The following SCTR variants were observed in gnomAD, a reference collection of about 807,000 sequenced individuals.
SCTR encodes secretin receptor, also known as pancreatic secretin receptor.
SCTR carries 56 observed loss-of-function variants against 60.8 expected under a neutral mutation model. That is an observed-to-expected ratio of 0.92 (90% CI 0.74 to 1.15). SCTR has a LOEUF of 1.15. Ranked by LOEUF, SCTR falls within the 50% of genes most tolerant of loss-of-function variation. The pLI is 0.00. For missense variants in SCTR, 562 were observed against 550.4 expected, an observed-to-expected ratio of 1.02 and a Z score of -0.21; for synonymous variants, 202 against 217.0, an observed-to-expected ratio of 0.93 and a Z score of 0.61.
intron 1 of SCTR, among the ~76,000 whole-genome samples, chr2:119,523,427 ATTATTATTATT>A (rs1231495667): frequency 1.4e-4 from 20 of 146,818 alleles, no homozygotes; most frequent in African/African-American, 5.0e-4. Flanking sequence ...TATTATTATT[ATTATTATTATT>A]ATTTTCCTCC....
chr2:119,524,183 G>A lies in SCTR; in HGVS notation c.44C>T (p.Pro15Leu). 1 of 1,530,654 alleles carries A rather than the reference G, an allele frequency of 6.5e-7. No homozygotes were observed. The highest frequency in any genetic ancestry group is 8.8e-7 in the Non-Finnish European group (1 of 1,137,782). 94.8% of individuals were successfully genotyped at this position (1,530,654 alleles called of 1,614,324 possible). A position where few individuals can be genotyped will look rare whatever the true frequency, so the allele number is the denominator to read the frequency against. The stretch of plus-strand genomic sequence containing the variant: ...GTGCGCGGCGCAGGCGAGCAGCACC[G>A]GCAGTAGTAGCTGCTGCAGCGGCGG... ...LSPPLQQLLL[P>L]VLLACAAHST... Residue 15 changes from proline (P) to leucine (L), a missense_variant, in exon 1 of 13, where the codon CCG becomes CTG. Transcript: ENST00000019103.
At chr2:119,466,318 A>G (rs1314543350) in intron 4 of SCTR, among the ~76,000 whole-genome samples, 1 of 152,184 alleles carries the variant, frequency 6.6e-6, no homozygotes, top group East Asian at 1.9e-4. Flanking sequence ...TGTCTTCTGG[A>G]TCCACTTAAA....
intron 4 of SCTR, among the ~76,000 whole-genome samples, chr2:119,467,475 A>G (rs1275649584): frequency 1.3e-5 from 2 of 152,228 alleles, no homozygotes; most frequent in Non-Finnish European, 2.9e-5. Flanking sequence ...TACCAACCAA[A>G]CTAACAAATA....
chr2:119,457,614 G>C (rs1683423451), intron 7 of SCTR, among the ~76,000 whole-genome samples: 1 of 152,314 alleles, frequency 6.6e-6, no homozygotes, highest in Non-Finnish European at 1.5e-5. Flanking sequence ...TTAGGAGGCT[G>C]AGCCAGGAGG....
chr2:119,504,816 A>G (rs1678678725), intron 1 of SCTR, among the ~76,000 whole-genome samples: 2 of 152,208 alleles, frequency 1.3e-5, no homozygotes, highest in Admixed American at 1.3e-4. Context: ...TTTACAAACT[A>G]CATATTCAAG....
At chr2:119,448,896 A>T in intron 9 of SCTR, 116 bp from the exon 10 acceptor site, 1 of 642,900 alleles carries the variant, frequency 1.6e-6, no homozygotes. Context: ...CACAGCCAGG[A>T]TGGCCCACCA....
chr2:119,469,389 T>C (rs915703136), intron 4 of SCTR, among the ~76,000 whole-genome samples: 3 of 152,122 alleles, frequency 2.0e-5, no homozygotes, highest in Non-Finnish European at 4.4e-5. Context: ...CCGCTTCTCA[T>C]GTAGACCCGT....
intron 9 of SCTR, among the ~76,000 whole-genome samples, chr2:119,450,369 T>C (rs1326164040): frequency 1.3e-5 from 2 of 152,096 alleles, no homozygotes; most frequent in Admixed American, 1.3e-4. Context: ...TCCAGGGTTG[T>C]CCTGGGCTGG....
chr2:119,463,062 TACACAC>T (rs35496213), intron 6 of SCTR, among the ~76,000 whole-genome samples: 54 of 148,398 alleles, frequency 3.6e-4, no homozygotes, highest in African/African-American at 1.3e-3. Flanking sequence ...AGTCAGAAAA[TACACAC>T]ACACACACAC....
Position 119,441,582 on chromosome 2 carries a change from G to A in SCTR, c.1158C>T (p.Val386=). 1 of 1,613,240 alleles carries A rather than the reference G, an allele frequency of 6.2e-7. No individual in the cohort carries two copies. The highest frequency in any genetic ancestry group is 8.5e-7 in the Non-Finnish European group (1 of 1,179,558). The stretch of plus-strand genomic sequence containing the variant: ...CCTCCCCATTGAGGAAGCAGTAGAG[G>A]ACGGCCACCACCAGTCCCTGCCAGA... ...LGSFQGLVVA[V]LYCFLNGEVQ... The change falls in exon 12 of 13, where the codon GTC becomes GTT. Residue 386 remains valine, a synonymous_variant. Transcript: ENST00000019103.
chr2:119,444,272 T>TACATATGAATATATACAC, intron 11 of SCTR, among the ~76,000 whole-genome samples: 1 of 137,660 alleles, frequency 7.3e-6, no homozygotes, highest in African/African-American at 2.9e-5. Flanking sequence ...TATATACATA[T>TACATATGAATATATACAC]ATACATATGA....
intron 9 of SCTR, 38 bp downstream of exon 9, chr2:119,451,972 C>G (rs1356184791): frequency 7.5e-7 from 1 of 1,339,160 alleles, no homozygotes; most frequent in Non-Finnish European, 1.1e-6. Flanking sequence ...TTCCGTCTCT[C>G]CCACTGATCC....
intron 4 of SCTR, among the ~76,000 whole-genome samples, chr2:119,468,986 T>A (rs984079935): frequency 6.6e-6 from 1 of 152,110 alleles, no homozygotes; most frequent in Non-Finnish European, 1.5e-5. Context: ...GGGTGACTGA[T>A]CATTTTCTGA....
At chr2:119,495,113 AC>A (rs1261749945) in intron 1 of SCTR, among the ~76,000 whole-genome samples, 3 of 3,716 alleles carry the variant, frequency 8.1e-4, no homozygotes, top group Non-Finnish European at 1.7e-3. Flanking sequence ...ATATAGATTT[AC>A]ACACACACAC....
At chr2:119,471,863 C>T (rs188524002) in intron 4 of SCTR, among the ~76,000 whole-genome samples, 4 of 152,310 alleles carry the variant, frequency 2.6e-5, no homozygotes, top group Admixed American at 2.6e-4. Context: ...TCCTTAATCC[C>T]TGAGCCTCAG....
chr2:119,461,234 G>C (rs1263427220), intron 7 of SCTR, among the ~76,000 whole-genome samples: 1 of 152,214 alleles, frequency 6.6e-6, no homozygotes, highest in African/African-American at 2.4e-5. Flanking sequence ...ATACAGAAAG[G>C]AAGCAAGAAA....
intron 1 of SCTR, among the ~76,000 whole-genome samples, chr2:119,515,140 G>A (rs1679073525): frequency 6.6e-6 from 1 of 152,194 alleles, no homozygotes; most frequent in South Asian, 2.1e-4. Flanking sequence ...TGACATGAAG[G>A]TGAATGGGAC....
intron 8 of SCTR, 114 bp downstream of exon 8, chr2:119,453,173 G>T (rs771505680): frequency 4.9e-4 from 382 of 786,646 alleles, no homozygotes; most frequent in Non-Finnish European, 7.3e-4. Flanking sequence ...CTCATCTGTG[G>T]CCTCTACTTT....
intron 1 of SCTR, among the ~76,000 whole-genome samples, chr2:119,499,266 T>G (rs1390193326): frequency 6.6e-6 from 1 of 152,024 alleles, no homozygotes; most frequent in Non-Finnish European, 1.5e-5. Flanking sequence ...TAGGCAAATC[T>G]ACAATTTTAG....
Sources: gnomAD v4.1 joint callset for allele counts (sites outside exome capture counted in the v4.1 genomes callset) on GRCh38, gnomAD v4.1.1 for gene constraint, MANE v1.5 for transcripts, NCBI Gene and HGNC (gene_info 2026-07-23, HGNC 2026-07-21) for gene names.